Variants in TMEM164 observed in about 807,000 individuals in gnomAD.
The protein encoded by TMEM164 is transmembrane protein 164, also known as RP13-360B22.2.
Under a neutral mutation model 18.8 loss-of-function variants are expected in TMEM164, and 4 were observed. The observed-to-expected ratio is 0.21, with a 90% confidence interval of 0.10 to 0.49. The LOEUF is 0.49. Among genes scored for constraint, TMEM164 ranks in the 20% least tolerant of loss-of-function variants. TMEM164 has a pLI of 0.98. For synonymous variants in TMEM164, 86 were observed against 101.7 expected (o/e 0.85, Z 0.93); for missense variants, 108 against 239.9 (o/e 0.45, Z 3.63).
chrX:110,013,481 A>G (rs760809221), intron 2 of TMEM164, among the ~76,000 whole-genome samples: 1 of 112,284 alleles, frequency 8.9e-6, no homozygotes, highest in Admixed American at 9.4e-5. Flanking sequence ...TCTTTTCTTA[A>G]CATTAATCAG....
At chrX:110,096,673 T>G (rs1321906519) in intron 3 of TMEM164, among the ~76,000 whole-genome samples, 1 of 112,110 alleles carries the variant, frequency 8.9e-6, no homozygotes, top group African/African-American at 3.2e-5. Flanking sequence ...CGGCTCATGC[T>G]TCATGGGCTG....
intron 3 of TMEM164, among the ~76,000 whole-genome samples, chrX:110,104,959 T>C (rs2066165023): frequency 8.9e-6 from 1 of 111,968 alleles, no homozygotes; most frequent in Non-Finnish European, 1.9e-5. Context: ...ACTAACCAAA[T>C]ATAAGTCTGC....
chrX:110,079,647 G>C (rs1156623618), intron 3 of TMEM164, among the ~76,000 whole-genome samples: 3 of 111,764 alleles, frequency 2.7e-5, no homozygotes, highest in Non-Finnish European at 5.6e-5. Flanking sequence ...TTTTCAGTCA[G>C]AATTGTGTAA....
At chrX:110,009,907 C>T (rs5942876) in intron 2 of TMEM164, among the ~76,000 whole-genome samples, 48,780 of 107,822 alleles carry the variant, frequency 0.45, 8,163 homozygotes, top group East Asian at 0.81. Context: ...GCAGGAGAAT[C>T]GCTTGAACCG....
chrX:110,017,409 T>C (rs181175258), intron 2 of TMEM164, among the ~76,000 whole-genome samples: 114 of 40,208 alleles, frequency 2.8e-3, no homozygotes, highest in African/African-American at 0.012. Context: ...CTCCTTCCTT[T>C]CTTTCTTTCT....
At chrX:110,083,642 A>C (rs1003397770) in intron 3 of TMEM164, among the ~76,000 whole-genome samples, 14 of 111,505 alleles carry the variant, frequency 1.3e-4, no homozygotes, top group African/African-American at 4.6e-4. Flanking sequence ...TGACATCATC[A>C]CAACACAGAG....
At chrX:110,165,255 A>G (rs1395702008) in intron 5 of TMEM164, among the ~76,000 whole-genome samples, 1 of 113,040 alleles carries the variant, frequency 8.8e-6, no homozygotes, top group Non-Finnish European at 1.9e-5. Context: ...CACCAGGCAC[A>G]TGTGACTGCT....
intron 3 of TMEM164, among the ~76,000 whole-genome samples, chrX:110,102,061 C>T (rs1159770441): frequency 2.8e-5 from 3 of 107,063 alleles, no homozygotes; most frequent in Non-Finnish European, 5.8e-5. Context: ...TGCAGTGGCT[C>T]ATGCCTGTAA....
At position 110,103,838 on chromosome X, in the gene TMEM164, G is replaced by A. The variant is rs545276890; in HGVS notation, c.441-5242G>A. On this transcript the variant is annotated intron_variant, in intron 3 of 6. Coordinates refer to ENST00000372068, the MANE Select transcript of TMEM164 (RefSeq NM_032227.4). ...CCCCTGGTGTTATTCAGGGGTTACA[G>A]TATCACACTAAACAGGATGGAAAAC... Among the ~76,000 whole-genome samples the A allele has an allele frequency of 1.6e-4, 18 of 111,474 alleles. No homozygotes were observed. The South Asian group carries it at 6.8e-3, about 42-fold the overall frequency.
At chrX:110,148,555 G>A (rs950850747) in intron 5 of TMEM164, among the ~76,000 whole-genome samples, 1 of 109,277 alleles carries the variant, frequency 9.2e-6, no homozygotes, top group Non-Finnish European at 1.9e-5. Flanking sequence ...TATCACCCAG[G>A]CTGGAGTACA....
chrX:110,070,315 C>CA (rs1037860939), intron 3 of TMEM164, among the ~76,000 whole-genome samples: 5 of 110,175 alleles, frequency 4.5e-5, no homozygotes, highest in Non-Finnish European at 7.6e-5. Flanking sequence ...GACTCTGTCT[C>CA]AAAAAAAACA....
intron 3 of TMEM164, among the ~76,000 whole-genome samples, chrX:110,082,641 A>G (rs1239481851): frequency 9.0e-6 from 1 of 111,453 alleles, no homozygotes; most frequent in East Asian, 2.8e-4. Flanking sequence ...ACCAGTTATT[A>G]ACAAATAAGA....
intron 4 of TMEM164, among the ~76,000 whole-genome samples, chrX:110,128,593 T>G (rs1168060588): frequency 1.8e-5 from 2 of 111,828 alleles, no homozygotes; most frequent in East Asian, 5.6e-4. Context: ...TTTCAGAACA[T>G]TCTCAGCTGT....
At position 110,067,374 on chromosome X, in the gene TMEM164, C is replaced by T. The variant is rs1457996767; in HGVS notation, c.418C>T (p.Arg140Trp). The change falls in exon 3 of 7, where the codon CGG becomes TGG. Residue 140 changes from arginine to tryptophan, a missense_variant. By Grantham distance (101) the Arg-to-Trp change is moderately radical. Coordinates refer to ENST00000372068, the MANE Select transcript of TMEM164 (RefSeq NM_032227.4). ...HIFLLACPPCRGAIVVFKLQM... is the reference protein window; with the variant it reads ...HIFLLACPPCWGAIVVFKLQM... ...CTTTCTCCTGGCCTGCCCTCCATGT[C>T]GGGGAGCTATCGTCGTCTTCAAGTA... 7 of 1,209,589 alleles carry T rather than the reference C, an allele frequency of 5.8e-6. No individual in the cohort carries two copies. Among genetic ancestry groups the T allele is most frequent in the Non-Finnish European group, 7.8e-6 (7 of 894,862 alleles).
chrX:110,177,450 C>G lies in TMEM164; in HGVS notation c.*3999C>G, dbSNP rs2067302579. 1 of 111,838 alleles carries G rather than the reference C, an allele frequency of 8.9e-6. No individual in the cohort carries two copies. The highest frequency in any genetic ancestry group is 3.3e-5 in the African/African-American group (1 of 30,737). The allele number at this position is 111,838 out of a possible 1,213,427, so 9.2% of individuals were successfully genotyped here. ...TCTCCCCTGAACCCCCACACAGTGGCTTCCCTTAGAACCAGTCTTTGTACT... is the reference window on the plus strand; with the variant it reads ...TCTCCCCTGAACCCCCACACAGTGGGTTCCCTTAGAACCAGTCTTTGTACT... On this transcript the variant is annotated 3_prime_UTR_variant, in exon 7 of 7. Coordinates refer to ENST00000372068, the MANE Select transcript of TMEM164 (RefSeq NM_032227.4).
chrX:110,046,779 G>A (rs1158099067), intron 2 of TMEM164, among the ~76,000 whole-genome samples: 1 of 112,138 alleles, frequency 8.9e-6, no homozygotes, highest in Non-Finnish European at 1.9e-5. Flanking sequence ...TTAATGTTGG[G>A]CCACTAGCAA....
At chrX:110,141,188 T>C (rs2066764949) in intron 4 of TMEM164, among the ~76,000 whole-genome samples, 1 of 111,992 alleles carries the variant, frequency 8.9e-6, no homozygotes, top group East Asian at 2.8e-4. Context: ...CCTCCATTAT[T>C]GATTGCCCTT....
In TMEM164 at chrX:110,173,743, A is replaced by T. The variant is rs908142320; in HGVS notation, c.*292A>T. 4 of 300,074 alleles carry T rather than the reference A, an allele frequency of 1.3e-5. No individual in the cohort carries two copies. The highest frequency in any genetic ancestry group is 1.7e-5 in the Non-Finnish European group (3 of 174,242). The allele number at this position is 300,074 out of a possible 1,213,427, so 24.7% of individuals were successfully genotyped here. A position where few individuals can be genotyped will look rare whatever the true frequency, so the allele number is the denominator to read the frequency against. ...GGAGATTGCAGTGAGCGGCTCTTTC[A>T]CTCTGCTTGTCGGTGCTTTAACAAC... is the stretch of plus-strand genomic sequence containing the variant. On this transcript the variant is annotated 3_prime_UTR_variant, in exon 7 of 7. Transcript: ENST00000372068.
intron 4 of TMEM164, among the ~76,000 whole-genome samples, chrX:110,128,279 G>A (rs1454916823): frequency 1.8e-5 from 2 of 111,910 alleles, no homozygotes; most frequent in Admixed American, 1.9e-4. Context: ...ACACAAAAGA[G>A]CCTACTTCTC....
Sources: gnomAD v4.1 joint callset for allele counts (sites outside exome capture counted in the v4.1 genomes callset) on GRCh38, gnomAD v4.1.1 for gene constraint, MANE v1.5 for transcripts, NCBI Gene and HGNC (gene_info 2026-07-23, HGNC 2026-07-21) for gene names.